PREP: variants seen among roughly 807,000 people sequenced by gnomAD.
The protein encoded by PREP is prolyl endopeptidase.
In PREP, 29 loss-of-function variants were observed where a neutral mutation model predicts 87.6. The observed-to-expected ratio is 0.33, with a 90% confidence interval of 0.25 to 0.45. The LOEUF is 0.45. Ranked by LOEUF, PREP falls within the 20% of genes least tolerant of loss-of-function variation. The pLI is 1.00. For missense variants in PREP, 695 were observed against 886.5 expected (o/e 0.78, Z 2.74); for synonymous variants, 337 against 328.6 (o/e 1.03, Z -0.28).
At chr6:105,370,905 G>T (rs1421052996) in intron 5 of PREP, among the ~76,000 whole-genome samples, 1 of 152,160 alleles carries the variant, frequency 6.6e-6, no homozygotes, top group African/African-American at 2.4e-5. Flanking sequence ...GGATTTTTAG[G>T]GCCAGGGAAA....
chr6:105,327,053 TTACAGGCC>T (rs1771183147), intron 9 of PREP, among the ~76,000 whole-genome samples: 1 of 152,166 alleles, frequency 6.6e-6, no homozygotes, highest in Admixed American at 6.5e-5. Context: ...TGAAGGAGGT[TTACAGGCC>T]TTTGGGGACT....
intron 6 of PREP, among the ~76,000 whole-genome samples, chr6:105,354,945 C>T (rs1583077102): frequency 6.6e-6 from 1 of 152,088 alleles, no homozygotes; most frequent in East Asian, 1.9e-4. Flanking sequence ...ATTAAAGGTA[C>T]ATCAGTAAAC....
At chr6:105,402,776 C>A in intron 1 of PREP, 71 bp downstream of exon 1, 1 of 1,385,834 alleles carries the variant, frequency 7.2e-7, no homozygotes, top group African/African-American at 1.4e-5. Context: ...AGAGGAGCTG[C>A]GGGTGCCACG....
At chr6:105,304,795 G>GA (rs1483954013) in intron 10 of PREP, among the ~76,000 whole-genome samples, 3 of 152,130 alleles carry the variant, frequency 2.0e-5, no homozygotes, top group African/African-American at 7.2e-5. Flanking sequence ...AGTCTTGCCT[G>GA]AAAATCCTTG....
rs968005631 is a variant in PREP at position 105,276,931 on chromosome 6, A to G, written c.*1213T>C. Among the ~76,000 whole-genome samples the G allele has an allele frequency of 1.3e-5, 2 of 152,188 alleles. No individual in the cohort carries two copies. The highest frequency in any genetic ancestry group is 4.8e-5 in the African/African-American group (2 of 41,436). On this transcript the variant is annotated 3_prime_UTR_variant, in exon 15 of 15. Transcript: ENST00000652536. ...GAATAATGAAGTAATCTTTTAAGCT[A>G]TTTTATATAAGGTTAAGATACTATA... is the stretch of plus-strand genomic sequence containing the variant.
chr6:105,338,825 A>C (rs6571230), intron 7 of PREP, among the ~76,000 whole-genome samples: 31,893 of 152,178 alleles, frequency 0.21, 5,190 homozygotes, highest in African/African-American at 0.46. Context: ...TGCAAGGCGG[A>C]AGCGAGGCTG....
At chr6:105,314,643 G>C (rs1436077887) in intron 10 of PREP, among the ~76,000 whole-genome samples, 2 of 152,156 alleles carry the variant, frequency 1.3e-5, no homozygotes, top group African/African-American at 2.4e-5. Context: ...TCTAATTCTA[G>C]ATCTCTTGCT....
chr6:105,357,323 C>T (rs1290291533), intron 6 of PREP, among the ~76,000 whole-genome samples: 1 of 152,172 alleles, frequency 6.6e-6, no homozygotes, highest in Admixed American at 6.5e-5. Flanking sequence ...AGGGCAGTAA[C>T]ATTCACTGCA....
chr6:105,339,056 T>C (rs1771559302), intron 7 of PREP, among the ~76,000 whole-genome samples: 1 of 152,174 alleles, frequency 6.6e-6, no homozygotes, highest in Non-Finnish European at 1.5e-5. Context: ...AGCATGGAGT[T>C]TGAGATCTGA....
chr6:105,387,958 G>A (rs1319391304), intron 2 of PREP, among the ~76,000 whole-genome samples: 1 of 152,142 alleles, frequency 6.6e-6, no homozygotes, highest in Non-Finnish European at 1.5e-5. Flanking sequence ...TCAGCACAGT[G>A]GGCACCTAGA....
At chr6:105,318,022 G>A (rs80301697) in intron 10 of PREP, among the ~76,000 whole-genome samples, 3,275 of 152,134 alleles carry the variant, frequency 0.022, 120 homozygotes, top group African/African-American at 0.075. Context: ...TAGGTACCTG[G>A]CCACCAGGTG....
intron 6 of PREP, among the ~76,000 whole-genome samples, chr6:105,363,000 T>C (rs1772294457): frequency 6.6e-6 from 1 of 152,190 alleles, no homozygotes; most frequent in Non-Finnish European, 1.5e-5. Context: ...TAACATTCAC[T>C]GCATGCCTAC....
At chr6:105,280,612 T>C (rs1414645898) in intron 14 of PREP, 1 of 152,188 alleles carries the variant, frequency 6.6e-6, no homozygotes, top group African/African-American at 2.4e-5. Context: ...CTTTTTTTTT[T>C]TGAGACAGGG....
chr6:105,285,763 A>C (rs1480248108), intron 11 of PREP, among the ~76,000 whole-genome samples, 183 bp from the exon 12 acceptor site: 1 of 152,132 alleles, frequency 6.6e-6, no homozygotes, highest in African/African-American at 2.4e-5. Flanking sequence ...TTAATACTTA[A>C]CTGCAAAGCT....
intron 8 of PREP, among the ~76,000 whole-genome samples, chr6:105,332,397 T>C (rs1314613538): frequency 6.6e-6 from 1 of 152,168 alleles, no homozygotes; most frequent in Admixed American, 6.5e-5. Flanking sequence ...GACCTGAACG[T>C]GGATCTGCCT....
intron 2 of PREP, among the ~76,000 whole-genome samples, chr6:105,396,012 A>C (rs1197854408): frequency 6.6e-6 from 1 of 152,156 alleles, no homozygotes; most frequent in East Asian, 1.9e-4. Context: ...TGAAGTGGGG[A>C]GGTAACCCCA....
chr6:105,382,736 G>A (rs1772880049), intron 2 of PREP, among the ~76,000 whole-genome samples: 1 of 152,200 alleles, frequency 6.6e-6, no homozygotes. Flanking sequence ...TGGGGCAAGT[G>A]CCATTGGCAG....
At chr6:105,321,124 A>G (rs1017599798) in intron 10 of PREP, among the ~76,000 whole-genome samples, 1 of 152,230 alleles carries the variant, frequency 6.6e-6, no homozygotes, top group Non-Finnish European at 1.5e-5. Flanking sequence ...TAACAGTACT[A>G]CGTGTATGAG....
intron 8 of PREP, among the ~76,000 whole-genome samples, chr6:105,332,765 CTG>C (rs1402909046): frequency 2.0e-5 from 3 of 152,208 alleles, no homozygotes; most frequent in Admixed American, 6.5e-5. Flanking sequence ...AAAAGGCTCT[CTG>C]TGAAACACGA....
Sources: allele counts gnomAD v4.1 joint callset (sites outside exome capture counted in the v4.1 genomes callset), GRCh38; gene constraint gnomAD v4.1.1; transcripts MANE v1.5; gene names NCBI Gene and HGNC (gene_info 2026-07-23, HGNC 2026-07-21).